AKAP9: variants seen among roughly 807,000 people sequenced by gnomAD.
AKAP9 encodes the protein A-kinase anchoring protein 9, also known as A-kinase anchor protein 9.
In AKAP9, 311 loss-of-function variants were observed where a neutral mutation model predicts 488.5. That is an observed-to-expected ratio of 0.64 (90% CI 0.58 to 0.70). The LOEUF (loss-of-function observed/expected upper bound fraction) is 0.70. Ranked by LOEUF, AKAP9 falls within the 30% of genes least tolerant of loss-of-function variation. The pLI is 0.00. For synonymous variants in AKAP9, 1,462 were observed against 1,483.5 expected (o/e 0.99, Z 0.33); for missense variants, 4,215 against 4,374.5 (o/e 0.96, Z 1.03).
intron 39 of AKAP9, among the ~76,000 whole-genome samples, chr7:92,093,613 G>A (rs554339932): frequency 3.9e-5 from 6 of 152,116 alleles, no homozygotes; most frequent in South Asian, 4.2e-4. Flanking sequence ...ATTTATGAAC[G>A]CAGTAGAATT....
chr7:92,083,622 G>C lies in AKAP9; in HGVS notation c.8613G>C (p.Leu2871Phe), dbSNP rs780211536. The C allele has an allele frequency of 3.7e-6, 6 of 1,609,414 alleles. No homozygotes were observed. The highest frequency in any genetic ancestry group is 1.3e-5 in the African/African-American group (1 of 74,520). The change falls in exon 33 of 50, where the codon TTG becomes TTC. Residue 2871 changes from leucine (L) to phenylalanine (F), a missense_variant. By Grantham distance (22) the Leu-to-Phe change is conservative (BLOSUM62 0). Transcript: ENST00000356239. ...VQLLKEECGT[L>F]KAVIQCLRSK... is the part of the protein sequence containing the mutation. ...TACTGAAAGAGGAATGTGGTACCTT[G>C]AAGGCAGTGATACAGTGTCTGAGAA...
intron 3 of AKAP9, among the ~76,000 whole-genome samples, chr7:91,985,879 C>T (rs1797016828): frequency 6.6e-6 from 1 of 152,164 alleles, no homozygotes; most frequent in Non-Finnish European, 1.5e-5. Flanking sequence ...GAACTCCTGA[C>T]CTCTTGATCT....
At chr7:92,020,133 C>T (rs768127669) in intron 12 of AKAP9, among the ~76,000 whole-genome samples, 2 of 152,124 alleles carry the variant, frequency 1.3e-5, no homozygotes, top group Non-Finnish European at 2.9e-5. Flanking sequence ...TATTTGAATG[C>T]AGTAAATTAG....
chr7:92,036,774 T>C (rs1805263707), intron 16 of AKAP9, among the ~76,000 whole-genome samples: 1 of 152,224 alleles, frequency 6.6e-6, no homozygotes, highest in Non-Finnish European at 1.5e-5. Flanking sequence ...AAGGTTTTGA[T>C]CACTAGTTAC....
intron 1 of AKAP9, among the ~76,000 whole-genome samples, chr7:91,945,134 G>A (rs529503596): frequency 4.5e-4 from 69 of 152,322 alleles, no homozygotes; most frequent in Non-Finnish European, 8.5e-4. Flanking sequence ...GCTGAGGTGG[G>A]AGGATCGCTT....
rs1314347209 is a variant in AKAP9 at position 92,084,697 on chromosome 7, T to C, written c.8704T>C (p.Ser2902Pro). 1 of 1,610,750 alleles carries C rather than the reference T, an allele frequency of 6.2e-7. No homozygotes were observed. Among genetic ancestry groups the C allele is most frequent in the South Asian group, 1.1e-5 (1 of 90,880 alleles). ...TGCTTACCAGACTAGAGAAATATGC[T>C]CCAGTGGTAAGTTATATAAATATTT... Reference protein sequence around the residue: ...SDAYQTREICSSDSGSDWGQG... With the variant: ...SDAYQTREICPSDSGSDWGQG... Residue 2902 changes from serine to proline, a missense_variant, in exon 34 of 50, where the codon TCC becomes CCC. Ser to Pro is a moderately conservative substitution (Grantham distance 74). Coordinates refer to ENST00000356239, the MANE Select transcript of AKAP9 (RefSeq NM_005751.5).
At position 92,031,409 on chromosome 7, in the gene AKAP9, T is replaced by C. The variant is rs563440852; in HGVS notation, c.4246-103T>C. On this transcript the variant is annotated intron_variant, in intron 15 of 49. Transcript: ENST00000356239. ...TTTTTGCTGAAAGTATGTAGAACTTTTCTAAAAATACTGATACTTTGGGGA... is the reference window on the plus strand; with the variant it reads ...TTTTTGCTGAAAGTATGTAGAACTTCTCTAAAAATACTGATACTTTGGGGA... 81 of 795,626 alleles carry C rather than the reference T, an allele frequency of 1.0e-4. No individual in the cohort carries two copies. The East Asian group carries it at 1.9e-3, about 19-fold the overall frequency. The allele number at this position is 795,626 out of a possible 1,614,324, so 49.3% of individuals were successfully genotyped here.
intron 20 of AKAP9, among the ~76,000 whole-genome samples, chr7:92,043,621 A>G (rs894219473): frequency 3.3e-5 from 5 of 152,118 alleles, no homozygotes; most frequent in African/African-American, 7.2e-5. Context: ...AAACCTCAGA[A>G]CAAGTTAAGG....
chr7:92,076,227 C>T (rs1017306928), intron 28 of AKAP9, among the ~76,000 whole-genome samples: 1 of 152,190 alleles, frequency 6.6e-6, no homozygotes, highest in Non-Finnish European at 1.5e-5. Context: ...CATAATCCAT[C>T]CTCAAAATGA....
chr7:91,944,380 A>G (rs1791162719), intron 1 of AKAP9, among the ~76,000 whole-genome samples: 1 of 152,102 alleles, frequency 6.6e-6, no homozygotes, highest in Non-Finnish European at 1.5e-5. Context: ...TATGACCAGA[A>G]AAGAATATTC....
chr7:92,094,187 G>T (rs568461066), intron 39 of AKAP9, among the ~76,000 whole-genome samples: 1 of 151,780 alleles, frequency 6.6e-6, no homozygotes. Flanking sequence ...ACAATAAATT[G>T]CATAGTTGTT....
intron 14 of AKAP9, among the ~76,000 whole-genome samples, chr7:92,024,015 A>G (rs1216687219): frequency 6.6e-6 from 1 of 152,130 alleles, no homozygotes; most frequent in Non-Finnish European, 1.5e-5. Flanking sequence ...ATTGTCTCCT[A>G]GAATGCTGAT....
chr7:92,079,765 G>A lies in AKAP9; in HGVS notation c.7632G>A (p.Gln2544=). The A allele has an allele frequency of 6.2e-7, 1 of 1,614,080 alleles. No individual in the cohort carries two copies. Among genetic ancestry groups the A allele is most frequent in the Non-Finnish European group, 8.5e-7 (1 of 1,179,984 alleles). ...TTCAAAAGAAGATTGTAAACCTACA[G>A]AAAATAGTTGAAGAAAAAGTGGCTG... ...EMLQKKIVNL[Q]KIVEEKVAAA... The change falls in exon 31 of 50, where the codon CAG becomes CAA. Residue 2544 remains glutamine, a synonymous_variant. Coordinates refer to ENST00000356239, the MANE Select transcript of AKAP9 (RefSeq NM_005751.5).
At chr7:91,979,758 T>C (rs375044727) in intron 2 of AKAP9, among the ~76,000 whole-genome samples, 6 of 152,192 alleles carry the variant, frequency 3.9e-5, no homozygotes, top group African/African-American at 1.2e-4. Flanking sequence ...GTTGGGCAGG[T>C]AGCATATACT....
intron 2 of AKAP9, among the ~76,000 whole-genome samples, chr7:91,974,382 G>C (rs1471953216): frequency 6.6e-6 from 1 of 152,090 alleles, no homozygotes; most frequent in Non-Finnish European, 1.5e-5. Flanking sequence ...TTGTTGAAAA[G>C]ACTATTCTTT....
intron 16 of AKAP9, 65 bp downstream of exon 16, chr7:92,031,669 C>A: frequency 8.0e-7 from 1 of 1,257,042 alleles, no homozygotes; most frequent in Non-Finnish European, 1.2e-6. Flanking sequence ...TCAAAAAGAA[C>A]ATAGATTTTA....
intron 9 of AKAP9, 77 bp from the exon 10 acceptor site, chr7:92,014,172 T>C: frequency 7.8e-6 from 8 of 1,021,516 alleles, no homozygotes; most frequent in Admixed American, 3.7e-5. Flanking sequence ...GAGCTTCCAG[T>C]TGAAACATAA....
At chr7:92,054,241 G>A (rs1362910529) in intron 22 of AKAP9, among the ~76,000 whole-genome samples, 6 of 152,010 alleles carry the variant, frequency 3.9e-5, no homozygotes, top group East Asian at 1.9e-4. Context: ...TTAACAGATT[G>A]ACACAGAATA....
At chr7:91,947,088 TA>T (rs1791538315) in intron 1 of AKAP9, among the ~76,000 whole-genome samples, 1 of 152,144 alleles carries the variant, frequency 6.6e-6, no homozygotes, top group Non-Finnish European at 1.5e-5. Context: ...AACATCCATT[TA>T]AAAACTATAA....
Sources: allele counts gnomAD v4.1 joint callset (sites outside exome capture counted in the v4.1 genomes callset), GRCh38; gene constraint gnomAD v4.1.1; transcripts MANE v1.5; gene names NCBI Gene and HGNC (gene_info 2026-07-23, HGNC 2026-07-21).